The following KPTN variants were observed in gnomAD, a reference collection of about 807,000 sequenced individuals.
The protein encoded by KPTN is kaptin, actin binding protein.
A neutral mutation model predicts 52.6 loss-of-function variants in KPTN; 36 were observed. The ratio of observed to expected loss-of-function variants is 0.68; its 90% CI spans 0.52 to 0.90. The LOEUF (loss-of-function observed/expected upper bound fraction) is 0.90. Ranked by LOEUF, KPTN falls within the 40% of genes least tolerant of loss-of-function variation. The probability of loss-of-function intolerance (pLI) is 0.00; values close to 1 mark genes in which losing one functional copy is unlikely to be tolerated. For synonymous variants in KPTN, 271 were observed against 248.4 expected (o/e 1.09, Z -0.85); for missense variants, 529 against 576.2 (o/e 0.92, Z 0.84).
Position 47,484,169 on chromosome 19 carries a change from G to C in KPTN, c.-9C>G. 6.3e-7 allele frequency: 1 copy of C among 1,589,816 alleles called. No individual in the cohort carries two copies. Among genetic ancestry groups the C allele is most frequent in the Non-Finnish European group, 8.5e-7 (1 of 1,173,708 alleles). Reference sequence around the variant, plus strand: ...GCCGCCTCCCCCATCATGCCCCTCAGTTAAGCACCCTCTCCGCAGCCCCCG... The same window carrying C: ...GCCGCCTCCCCCATCATGCCCCTCACTTAAGCACCCTCTCCGCAGCCCCCG... On this transcript the variant is annotated 5_prime_UTR_variant, in exon 1 of 12. Transcript: ENST00000338134.
At chr19:47,476,507 C>T (rs756223960) in intron 11 of KPTN, 25 bp downstream of exon 11, 1 of 1,575,644 alleles carries the variant, frequency 6.3e-7, no homozygotes, top group African/African-American at 1.4e-5. Flanking sequence ...GTCGACTCCC[C>T]TCCCACCCCA....
rs1446340928 is a variant in KPTN at position 47,482,496 on chromosome 19, G to GA, written c.449+664dup. ...CATCTATCTCAAAAAAAAAAAAAAA[G>GA]AAAGAAAAAAAAAGTGCAATGCTTT... On this transcript the variant is annotated intron_variant, in intron 4 of 11. Coordinates refer to ENST00000338134, the MANE Select transcript of KPTN (RefSeq NM_007059.4). Among the ~76,000 whole-genome samples the GA allele has an allele frequency of 5.6e-3, 795 of 143,174 alleles. 14 individuals carry two copies. Among genetic ancestry groups the GA allele is most frequent in the Non-Finnish European group, 9.4e-3 (628 of 66,542 alleles). The allele number at this position is 143,174 out of a possible 152,430, so 93.9% of individuals were successfully genotyped here.
At chr19:47,477,271 C>T (rs1345407199) in intron 9 of KPTN, among the ~76,000 whole-genome samples, 1 of 152,220 alleles carries the variant, frequency 6.6e-6, no homozygotes, top group Non-Finnish European at 1.5e-5. Context: ...CTGGCCTGGA[C>T]ACCTTCACCA....
At chr19:47,483,056 G>C in intron 4 of KPTN, 105 bp downstream of exon 4, 2 of 1,180,890 alleles carry the variant, frequency 1.7e-6, no homozygotes, top group Non-Finnish European at 1.3e-6. Context: ...TTATTTTCCA[G>C]AAGGGGAAAC....
At chr19:47,484,731 C>A (rs573495789), upstream of KPTN, among the ~76,000 whole-genome samples, 1 of 134,892 alleles carries the variant, frequency 7.4e-6, no homozygotes, top group Non-Finnish European at 1.5e-5. Flanking sequence ...TTTTTTGAGA[C>A]GGAGTCTTGC....
At chr19:47,476,455 C>A in intron 11 of KPTN, 77 bp downstream of exon 11, 3 of 1,284,420 alleles carry the variant, frequency 2.3e-6, no homozygotes, top group Non-Finnish European at 3.2e-6. Flanking sequence ...GTTCCTCCCT[C>A]CCCCAGGAGG....
chr19:47,483,002 C>G, intron 4 of KPTN, 159 bp downstream of exon 4: 1 of 763,770 alleles, frequency 1.3e-6, no homozygotes, highest in Non-Finnish European at 2.3e-6. Context: ...CCACCGTGCC[C>G]GGCTGGCATT....
In KPTN at chr19:47,477,795, A is replaced by G. The variant is rs199953161; in HGVS notation, c.788-14T>C. 549 of 1,603,358 alleles carry G rather than the reference A, an allele frequency of 3.4e-4. No individual in the cohort carries two copies. The African/African-American group carries it at 5.8e-3, about 17-fold the overall frequency. ...TGTCCTTGGTCTCTGGAGAAGAAACATGAATGGTAATCCCAGCACTTTGGG... is the reference window on the plus strand; with the variant it reads ...TGTCCTTGGTCTCTGGAGAAGAAACGTGAATGGTAATCCCAGCACTTTGGG... On this transcript the variant is annotated splice_polypyrimidine_tract_variant and intron_variant, in intron 8 of 11. Transcript: ENST00000338134.
At position 47,483,590 on chromosome 19, in the gene KPTN, A is replaced by G. The variant is rs755333130; in HGVS notation, c.227-6T>C. On this transcript the variant is annotated splice_region_variant and splice_polypyrimidine_tract_variant and intron_variant, in intron 1 of 11. Transcript: ENST00000338134. The stretch of plus-strand genomic sequence containing the variant: ...GGAGACAATCTCCGCATCCACTGGG[A>G]GGGGAGAGTTCTAAGTTCAGTGTCA... The G allele has an allele frequency of 2.1e-5, 32 of 1,546,290 alleles. No homozygotes were observed. The highest frequency in any genetic ancestry group is 2.5e-5 in the Non-Finnish European group (29 of 1,141,444).
chr19:47,476,635 C>T lies in KPTN; in HGVS notation c.1079G>A (p.Arg360Gln), dbSNP rs201689039. The T allele has an allele frequency of 1.5e-4, 244 of 1,612,758 alleles. No individual in the cohort carries two copies. The highest frequency in any genetic ancestry group is 4.9e-4 in the Middle Eastern group (3 of 6,084). The change falls in exon 11 of 12, where the codon CGG becomes CAG. Residue 360 changes from arginine to glutamine, a missense_variant. Arg to Gln is a conservative substitution (Grantham distance 43, BLOSUM62 1). Coordinates refer to ENST00000338134, the MANE Select transcript of KPTN (RefSeq NM_007059.4). ...GGCCAGCAGGGGACTGGAGAAGCTC[C>T]GCTGCCACAGCAGATGGAACCCGTG... Reference protein sequence around the residue: ...AQHGFHLLWQRSFSSPLLAMA... With the variant: ...AQHGFHLLWQQSFSSPLLAMA...
chr19:47,477,673 T>C, intron 9 of KPTN, 33 bp downstream of exon 9: 4 of 1,550,940 alleles, frequency 2.6e-6, no homozygotes, highest in Non-Finnish European at 3.6e-6. Context: ...GAAAGAAGGT[T>C]AGACCACACC....
At chr19:47,483,627 G>A in intron 1 of KPTN, 43 bp from the exon 2 acceptor site, 11 of 1,386,704 alleles carry the variant, frequency 7.9e-6, no homozygotes, top group Non-Finnish European at 1.1e-5. Context: ...GCAGACTCAT[G>A]CTTCCAATCT....
At chr19:47,477,407 G>A (rs1967708693) in intron 9 of KPTN, among the ~76,000 whole-genome samples, 1 of 152,112 alleles carries the variant, frequency 6.6e-6, no homozygotes, top group South Asian at 2.1e-4. Context: ...GGAAACTCTG[G>A]TAAATGCTAC....
At chr19:47,483,112 G>A (rs1478586412) in intron 4 of KPTN, 49 bp downstream of exon 4, 4 of 1,570,536 alleles carry the variant, frequency 2.5e-6, no homozygotes, top group African/African-American at 1.4e-5. Flanking sequence ...AGAAGCCAGG[G>A]TTTCTACATT....
In KPTN at chr19:47,476,884, C is replaced by T; in HGVS notation, c.918G>A (p.Gln306=). 1 of 1,564,832 alleles carries T rather than the reference C, an allele frequency of 6.4e-7. No individual in the cohort carries two copies. The highest frequency in any genetic ancestry group is 8.7e-7 in the Non-Finnish European group (1 of 1,154,160). The change falls in exon 10 of 12, where the codon CAG becomes CAA. Residue 306 remains glutamine (Q), a synonymous_variant. Transcript: ENST00000338134. ...CCAGGCTGCAGAGGACGCTGTCAAA[C>T]TGGTCACTGCCGGGCAGGAGAAGCT... ...EDQLLLPGSD[Q]FDSVLCSLVT...
At chr19:47,476,762 G>C (rs766627678) in intron 10 of KPTN, 41 bp downstream of exon 10, 2 of 1,602,502 alleles carry the variant, frequency 1.2e-6, no homozygotes, top group Non-Finnish European at 1.7e-6. Flanking sequence ...GGGGACAGTG[G>C]AGGGAGGCCG....
At chr19:47,481,089 C>T in intron 4 of KPTN, 56 bp from the exon 5 acceptor site, 1 of 1,393,406 alleles carries the variant, frequency 7.2e-7, no homozygotes, top group Non-Finnish European at 1.0e-6. Flanking sequence ...GTCTGAGAAC[C>T]AGAACTCTCC....
At chr19:47,480,913 C>G in intron 5 of KPTN, 45 bp downstream of exon 5, 1 of 1,610,416 alleles carries the variant, frequency 6.2e-7, no homozygotes, top group South Asian at 1.1e-5. Context: ...CGCCAGCCCA[C>G]AGTGAATCCC....
chr19:47,480,642 C>T, intron 6 of KPTN, 118 bp downstream of exon 6: 3 of 953,218 alleles, frequency 3.1e-6, no homozygotes, highest in Middle Eastern at 3.3e-4. Flanking sequence ...TGAAGTCATG[C>T]CGTGGACTGA....
Sources: gnomAD v4.1 joint callset for allele counts (sites outside exome capture counted in the v4.1 genomes callset) on GRCh38, gnomAD v4.1.1 for gene constraint, MANE v1.5 for transcripts, NCBI Gene and HGNC (gene_info 2026-07-23, HGNC 2026-07-21) for gene names.